ATP2B2: variants seen among roughly 807,000 people sequenced by gnomAD.
The protein encoded by ATP2B2 is ATPase plasma membrane Ca2+ transporting 2.
ATP2B2 carries 15 observed loss-of-function variants against 120.0 expected under a neutral mutation model. The ratio of observed to expected loss-of-function variants is 0.12; its 90% CI spans 0.08 to 0.19. The LOEUF is 0.19. Among genes scored for constraint, ATP2B2 ranks in the 10% least tolerant of loss-of-function variants. The probability of loss-of-function intolerance (pLI) is 1.00; values close to 1 mark genes in which losing one functional copy is unlikely to be tolerated. For missense variants in ATP2B2, 1,045 were observed against 1,719.8 expected (o/e 0.61, Z 6.94); for synonymous variants, 694 against 700.3 (o/e 0.99, Z 0.14).
chr3:10,335,636 A>G (rs1420624380), intron 22 of ATP2B2, among the ~76,000 whole-genome samples: 1 of 152,142 alleles, frequency 6.6e-6, no homozygotes. Flanking sequence ...TGGGACCCTA[A>G]GGGGCTTGCT....
intron 14 of ATP2B2, among the ~76,000 whole-genome samples, chr3:10,351,099 G>A (rs1468519189): frequency 6.6e-6 from 1 of 152,208 alleles, no homozygotes; most frequent in Non-Finnish European, 1.5e-5. Flanking sequence ...TATGTATAAA[G>A]GATTATGCTT....
intron 2 of ATP2B2, among the ~76,000 whole-genome samples, chr3:10,564,513 G>C (rs1349369941): frequency 6.6e-6 from 1 of 150,586 alleles, no homozygotes. Flanking sequence ...GGCTGATCTT[G>C]TCTCCCCCTG....
chr3:10,387,579 G>C (rs1262322199), intron 6 of ATP2B2, among the ~76,000 whole-genome samples: 4 of 152,230 alleles, frequency 2.6e-5, no homozygotes, highest in African/African-American at 9.6e-5. Flanking sequence ...AGAAGCCTGG[G>C]CCTTTGGATT....
rs1297759850 is a variant in ATP2B2, at chr3:10,375,581, A to C, written c.1265T>G (p.Val422Gly). ...LVLYFTVDTFVVNKKPWLPEC... is the reference protein window; with the variant it reads ...LVLYFTVDTFGVNKKPWLPEC... ...AGGCAGCCACGGCTTCTTGTTGACC[A>C]CGAAGGTGTCCACAGTGAAGTAGAG... The change falls in exon 11 of 23, where the codon GTG becomes GGG. Residue 422 changes from valine to glycine, a missense_variant. This residue lies in a region of ATP2B2 where 343 missense variants were observed against 536.8 expected (regional missense o/e 0.64). Coordinates refer to ENST00000360273, the MANE Select transcript of ATP2B2 (RefSeq NM_001001331.4). This position sits in a 1 kb window ranked among gnomAD's most constrained non-coding sequence, Gnocchi z 4.2. The C allele has an allele frequency of 2.5e-5, 40 of 1,613,706 alleles. No individual in the cohort carries two copies. Among genetic ancestry groups the C allele is most frequent in the Non-Finnish European group, 3.3e-5 (39 of 1,180,046 alleles).
At chr3:10,579,857 C>T (rs925503236) in intron 2 of ATP2B2, among the ~76,000 whole-genome samples, 1 of 85,492 alleles carries the variant, frequency 1.2e-5, no homozygotes, top group Admixed American at 1.2e-4. Flanking sequence ...AAGAAACAGA[C>T]CCAGAAGGTG....
intron 1 of ATP2B2, among the ~76,000 whole-genome samples, chr3:10,453,693 C>T (rs1382345238): frequency 6.6e-6 from 1 of 152,184 alleles, no homozygotes; most frequent in Non-Finnish European, 1.5e-5. Context: ...CTTACAGGCA[C>T]TGATAATTAC....
chr3:10,580,690 T>C (rs1195268816), intron 2 of ATP2B2, among the ~76,000 whole-genome samples: 1 of 152,212 alleles, frequency 6.6e-6, no homozygotes, highest in African/African-American at 2.4e-5. Context: ...GAAACTTTCA[T>C]GCCTGGGAGT....
chr3:10,371,439 T>G (rs953144644), intron 12 of ATP2B2, among the ~76,000 whole-genome samples: 1 of 152,324 alleles, frequency 6.6e-6, no homozygotes, highest in Non-Finnish European at 1.5e-5. Flanking sequence ...GAACCCAGCT[T>G]GAATTGCTGA....
intron 1 of ATP2B2, among the ~76,000 whole-genome samples, chr3:10,486,637 A>G (rs530859328): frequency 1.3e-5 from 2 of 152,154 alleles, no homozygotes; most frequent in African/African-American, 4.8e-5. Context: ...GTCCTCCCTG[A>G]CCACGCTAGT....
intron 1 of ATP2B2, among the ~76,000 whole-genome samples, chr3:10,476,361 A>G (rs2065202772): frequency 6.6e-6 from 1 of 152,222 alleles, no homozygotes; most frequent in African/African-American, 2.4e-5. Flanking sequence ...TCACCCCACA[A>G]GGACTCAAAA....
chr3:10,653,918 T>A (rs144937754), intron 1 of ATP2B2, among the ~76,000 whole-genome samples: 365 of 152,246 alleles, frequency 2.4e-3, no homozygotes, highest in Middle Eastern at 3.4e-3. Context: ...TTTTTTCTCA[T>A]CCTGTCCCTC....
intron 5 of ATP2B2, 114 bp from the exon 6 acceptor site, chr3:10,388,516 G>A (rs1002743582): frequency 6.2e-5 from 90 of 1,459,838 alleles, no homozygotes; most frequent in Non-Finnish European, 8.3e-5. Context: ...AGAGGTCATG[G>A]GGCATCACCT....
At chr3:10,334,963 C>T (rs750703126) in intron 22 of ATP2B2, among the ~76,000 whole-genome samples, 1 of 152,186 alleles carries the variant, frequency 6.6e-6, no homozygotes, top group Non-Finnish European at 1.5e-5. Context: ...ACCAGGGGCT[C>T]CCCTGCAGAT....
chr3:10,412,515 G>A (rs1278504290), intron 2 of ATP2B2, among the ~76,000 whole-genome samples: 1 of 152,114 alleles, frequency 6.6e-6, no homozygotes, highest in African/African-American at 2.4e-5. Flanking sequence ...CTTTGCTCCT[G>A]CTGTTCAGCA....
intron 14 of ATP2B2, among the ~76,000 whole-genome samples, chr3:10,353,692 G>A (rs979700264): frequency 2.6e-5 from 4 of 152,226 alleles, no homozygotes. Flanking sequence ...CTGTCTCCCA[G>A]AGCCAAAATC....
chr3:10,452,772 A>G (rs967041915), intron 1 of ATP2B2, among the ~76,000 whole-genome samples: 2 of 152,176 alleles, frequency 1.3e-5, no homozygotes, highest in African/African-American at 4.8e-5. Context: ...TTGCTTACTC[A>G]GGGAAAAGAA....
At chr3:10,628,388 A>G (rs530390876) in intron 1 of ATP2B2, among the ~76,000 whole-genome samples, 1 of 150,450 alleles carries the variant, frequency 6.6e-6, no homozygotes, top group African/African-American at 2.5e-5. Flanking sequence ...AGTGAACAGC[A>G]GCCAGGAGCA....
intron 2 of ATP2B2, among the ~76,000 whole-genome samples, chr3:10,551,257 G>C (rs1478359775): frequency 6.6e-6 from 1 of 152,228 alleles, no homozygotes; most frequent in Non-Finnish European, 1.5e-5. Context: ...ATGGAGGAGT[G>C]ATCAGTGAAT....
At chr3:10,645,602 A>T (rs1389063800) in intron 1 of ATP2B2, among the ~76,000 whole-genome samples, 1 of 152,282 alleles carries the variant, frequency 6.6e-6, no homozygotes. Flanking sequence ...TTGCAATTTG[A>T]GATTTCACCC....
Sources: gnomAD v4.1 joint callset for allele counts (sites outside exome capture counted in the v4.1 genomes callset) on GRCh38, gnomAD v4.1.1 for gene constraint, gnomAD v4.1.1 regional missense constraint, Gnocchi (gnomAD v3.1) non-coding constraint, MANE v1.5 for transcripts, NCBI Gene and HGNC (gene_info 2026-07-23, HGNC 2026-07-21) for gene names.